Variants in SUMF2 observed in about 807,000 individuals in gnomAD.
The protein encoded by SUMF2 is inactive C-alpha-formylglycine-generating enzyme 2.
A neutral mutation model predicts 44.8 loss-of-function variants in SUMF2; 45 were observed. That is an observed-to-expected ratio of 1.00 (90% confidence interval 0.79 to 1.29). The LOEUF is 1.29. Among genes scored for constraint, SUMF2 ranks in the 50% most tolerant of loss-of-function variants. The pLI is 0.00. For synonymous variants in SUMF2, 148 were observed against 150.4 expected (o/e 0.98, Z 0.12); for missense variants, 418 against 389.9 (o/e 1.07, Z -0.61).
intron 8 of SUMF2, 74 bp from the exon 9 acceptor site, chr7:56,079,454 G>A (rs1181647256): frequency 6.9e-7 from 1 of 1,446,490 alleles, no homozygotes; most frequent in Non-Finnish European, 9.4e-7. Context: ...CTGCGGATGA[G>A]GCAGGCAAGA....
At chr7:56,084,369 G>GTT, downstream of SUMF2, 1 of 473,424 alleles carries the variant, frequency 2.1e-6, no homozygotes. Context: ...TGAGTATCCC[G>GTT]ATTTTTTTTT....
downstream of SUMF2, among the ~76,000 whole-genome samples, chr7:56,082,470 G>A (rs1455461152): frequency 6.6e-6 from 1 of 152,184 alleles, no homozygotes; most frequent in African/African-American, 2.4e-5. Flanking sequence ...GCATGTGCCT[G>A]TAGTCCCAGC....
chr7:56,074,289 C>G, intron 4 of SUMF2, 71 bp downstream of exon 4: 1 of 1,460,360 alleles, frequency 6.8e-7, no homozygotes, highest in South Asian at 1.1e-5. Flanking sequence ...AGCCTCCTCT[C>G]TACCCCTCGT....
At chr7:56,068,134 C>T (rs1271283648) in intron 1 of SUMF2, among the ~76,000 whole-genome samples, 4 of 148,138 alleles carry the variant, frequency 2.7e-5, no homozygotes, top group Non-Finnish European at 5.9e-5. Context: ...CCCGGGTTTA[C>T]ACCATTCTCC....
rs1319070868 is a variant in SUMF2, at chr7:56,080,311, G to GC, written c.*700dup. 2 of 153,898 alleles carry GC rather than the reference G, an allele frequency of 1.3e-5. No individual in the cohort carries two copies. The highest frequency in any genetic ancestry group is 2.7e-5 in the Non-Finnish European group (2 of 72,758). 9.5% of individuals were successfully genotyped at this position (153,898 alleles called of 1,614,324 possible). On this transcript the variant is annotated 3_prime_UTR_variant, in exon 9 of 9. Coordinates refer to ENST00000434526, the MANE Select transcript of SUMF2 (RefSeq NM_015411.4). The stretch of plus-strand genomic sequence containing the variant: ...GACAGGGTCTTTCTCTGTTGCCCAG[G>GC]CTAGAGTGCACTGGTGATCACGGCT...
At chr7:56,081,313 C>G (rs1180234778), downstream of SUMF2, 1 of 1,598,156 alleles carries the variant, frequency 6.3e-7, no homozygotes, top group African/African-American at 1.3e-5. The surrounding 1 kb of genome is among the most constrained non-coding windows in gnomAD (Gnocchi z 4.6). Context: ...CAGGGCCAGG[C>G]GGAGAAGCTG....
intron 6 of SUMF2, 116 bp downstream of exon 6, chr7:56,077,005 CAT>C: frequency 1.2e-6 from 1 of 821,962 alleles, no homozygotes; most frequent in Non-Finnish European, 1.9e-6. Flanking sequence ...ACTGATGACT[CAT>C]AAGCTGGTAA....
intron 1 of SUMF2, 95 bp downstream of exon 1, chr7:56,064,473 C>T: frequency 1.4e-6 from 2 of 1,466,352 alleles, no homozygotes; most frequent in South Asian, 2.7e-5. Context: ...TGCCGGCTTC[C>T]GGGATGCGGC....
intron 1 of SUMF2, among the ~76,000 whole-genome samples, chr7:56,064,950 T>C (rs1411248589): frequency 6.9e-6 from 1 of 144,466 alleles, no homozygotes; most frequent in Non-Finnish European, 1.5e-5. Context: ...CCCAGCACTT[T>C]GGGAGGCCGA....
chr7:56,069,374 G>A (rs1795018417), intron 2 of SUMF2, among the ~76,000 whole-genome samples: 1 of 152,024 alleles, frequency 6.6e-6, no homozygotes, highest in Non-Finnish European at 1.5e-5. Context: ...GGAGGCCGAG[G>A]TGGGAGGATT....
intron 2 of SUMF2, among the ~76,000 whole-genome samples, chr7:56,071,808 A>T (rs532978684): frequency 9.1e-4 from 137 of 149,752 alleles, no homozygotes; most frequent in Middle Eastern, 3.5e-3. Context: ...AAATAAATAA[A>T]TAAATAATTA....
rs772493774 is a variant in SUMF2, at chr7:56,076,874, C to T, written c.576C>T (p.Arg192=). 66 of 1,606,394 alleles carry T rather than the reference C, an allele frequency of 4.1e-5. No individual in the cohort carries two copies. The highest frequency in any genetic ancestry group is 5.4e-5 in the Non-Finnish European group (63 of 1,176,454). Residue 192 remains arginine (R), a synonymous_variant, in exon 6 of 9, where the codon CGC becomes CGT. Transcript: ENST00000434526. The part of the protein sequence containing the change: ...YPWGNWFQPN[R]TNLWQGKFPK... ...GGGGGAACTGGTTCCAGCCAAACCG[C>T]ACCAACCTGTGGCAGGTAAGACCTA...
rs1387611421 is a variant in SUMF2 at position 56,079,866 on chromosome 7, T to C, written c.*254T>C. 2.6e-6 allele frequency: 4 copies of C among 1,544,714 alleles called. No individual in the cohort carries two copies. On this transcript the variant is annotated 3_prime_UTR_variant, in exon 9 of 9. Coordinates refer to ENST00000434526, the MANE Select transcript of SUMF2 (RefSeq NM_015411.4). ...GGTGTTTCTGTTAGAGGCCAAGTAT[T>C]ATTGACACAGGATTGCAAACACACA...
rs867082098 is a variant in SUMF2, at chr7:56,074,716, C to T, written c.515C>T (p.Ala172Val). Residue 172 changes from alanine to valine, a missense_variant, in exon 5 of 9, where the codon GCC becomes GTC. By Grantham distance (64) the Ala-to-Val change is moderately conservative. Coordinates refer to ENST00000434526, the MANE Select transcript of SUMF2 (RefSeq NM_015411.4). ...CCCACGGAGGAAGAGTGGGAGTTTG[C>T]CGCCCGAGGGGGCTTGAAGGGTATC... ...RLPTEEEWEFAARGGLKGQVY... is the reference protein window; with the variant it reads ...RLPTEEEWEFVARGGLKGQVY... 6.2e-7 allele frequency: 1 copy of T among 1,614,128 alleles called. No homozygotes were observed. The highest frequency in any genetic ancestry group is 8.5e-7 in the Non-Finnish European group (1 of 1,180,024).
the SUMF2 span, chr7:56,087,643 T>C: frequency 1.7e-5 from 27 of 1,613,854 alleles, no homozygotes; most frequent in Middle Eastern, 3.3e-3. Context: ...TCCACCTCCT[T>C]CAGCGTGGCT....
chr7:56,065,776 A>G (rs1165968327), intron 1 of SUMF2, among the ~76,000 whole-genome samples: 1 of 151,982 alleles, frequency 6.6e-6, no homozygotes, highest in East Asian at 1.9e-4. Flanking sequence ...CCTTTGCAAT[A>G]TATTTGTGAA....
At chr7:56,086,822 C>T in the SUMF2 span, 3 of 672,204 alleles carry the variant, frequency 4.5e-6, no homozygotes, top group African/African-American at 1.8e-5. Context: ...AGCCTGACCC[C>T]AGGGGCTGAT....
intron 4 of SUMF2, 155 bp from the exon 5 acceptor site, chr7:56,074,430 CT>C (rs1356073101): frequency 1.8e-6 from 2 of 1,112,438 alleles, no homozygotes; most frequent in Non-Finnish European, 2.5e-6. Context: ...CCTGTAGTCT[CT>C]TTTTTCTGAC....
intron 6 of SUMF2, among the ~76,000 whole-genome samples, 158 bp downstream of exon 6, chr7:56,077,047 CTTT>C (rs949808656): frequency 5.9e-5 from 8 of 135,310 alleles, no homozygotes; most frequent in Admixed American, 7.5e-5. Context: ...TAAGTGCTTT[CTTT>C]TTTTTTTTTT....
Sources: allele counts gnomAD v4.1 joint callset (sites outside exome capture counted in the v4.1 genomes callset), GRCh38; gene constraint gnomAD v4.1.1; non-coding constraint Gnocchi (gnomAD v3.1); transcripts MANE v1.5; gene names NCBI Gene and HGNC (gene_info 2026-07-23, HGNC 2026-07-21).